The following TMF1 variants were observed in gnomAD, a reference collection of about 807,000 sequenced individuals.
The protein encoded by TMF1 is TATA element modulatory factor.
In TMF1, 71 loss-of-function variants were observed where a neutral mutation model predicts 126.5. The ratio of observed to expected loss-of-function variants is 0.56; its 90% CI spans 0.46 to 0.68. The LOEUF is 0.68. Among genes scored for constraint, TMF1 ranks in the 30% least tolerant of loss-of-function variants. TMF1 has a pLI of 0.00. For missense variants in TMF1, 1,259 were observed against 1,253.2 expected, an observed-to-expected ratio of 1.00 and a Z score of -0.07; for synonymous variants, 461 against 430.5, an observed-to-expected ratio of 1.07 and a Z score of -0.88.
In TMF1 at chr3:69,047,739, A is replaced by G; in HGVS notation, c.966T>C (p.Ala322=). The change falls in exon 2 of 17, where the codon GCT becomes GCC. Residue 322 remains alanine, a synonymous_variant. Transcript: ENST00000398559. ...KLTESCCSSD[A]FERIDSFSVQ... is the part of the protein sequence containing the mutation. ...CACTAAATGAGTCTATTCTTTCAAA[A>G]GCATCAGATGAACAGCAACTCTCAG... 1 of 1,614,088 alleles carries G rather than the reference A, an allele frequency of 6.2e-7. No individual in the cohort carries two copies. The highest frequency in any genetic ancestry group is 8.5e-7 in the Non-Finnish European group (1 of 1,179,990).
At chr3:69,033,791 G>A in intron 9 of TMF1, 87 bp from the exon 10 acceptor site, 1 of 1,194,074 alleles carries the variant, frequency 8.4e-7, no homozygotes, top group Non-Finnish European at 1.2e-6. Context: ...AGAGGTTCCT[G>A]GAAAATTATT....
Position 69,035,048 on chromosome 3 carries a change from C to T in TMF1, c.2219G>A (p.Arg740His), listed in dbSNP as rs375591364. ...CTGCTGAAGTTCACCGATCTCATGG[C>T]GTAAATAATCCTCCTTTCTGGCAGC... ...QAAARKEDYL[R>H]HEIGELQQRL... is the part of the protein sequence containing the mutation. Residue 740 changes from arginine to histidine, a missense_variant, in exon 9 of 17, where the codon CGC (arginine) becomes CAC (histidine). Arg to His is a conservative substitution (Grantham distance 29, BLOSUM62 0). Transcript: ENST00000398559. The T allele has an allele frequency of 3.3e-5, 53 of 1,613,948 alleles. No homozygotes were observed. The highest frequency in any genetic ancestry group is 4.4e-5 in the Non-Finnish European group (52 of 1,179,992).
Position 69,043,773 on chromosome 3 carries a change from T to C in TMF1, c.1555A>G (p.Lys519Glu), listed in dbSNP as rs1252304326. ...EAEKKVQLAC[K>E]ERDAAKKEIK... ...ACCTTTTTAGCAGCATCTCTCTCTT[T>C]GCAGGCTAGTTGAACTTTCTTTTCT... is the stretch of plus-strand genomic sequence containing the variant. The change falls in exon 4 of 17, where the codon AAA (lysine) becomes GAA (glutamate). Residue 519 changes from lysine to glutamate, a missense_variant. Lys to Glu is a moderately conservative substitution (Grantham distance 56). Coordinates refer to ENST00000398559, the MANE Select transcript of TMF1 (RefSeq NM_007114.3). The C allele has an allele frequency of 1.9e-6, 3 of 1,610,856 alleles. No homozygotes were observed. Among genetic ancestry groups the C allele is most frequent in the Non-Finnish European group, 2.5e-6 (3 of 1,178,708 alleles).
In TMF1 at chr3:69,035,027, T is replaced by C; in HGVS notation, c.2240A>G (p.Gln747Arg). 1.2e-6 allele frequency: 2 copies of C among 1,613,864 alleles called. No individual in the cohort carries two copies. The highest frequency in any genetic ancestry group is 3.3e-5 in the Admixed American group (2 of 60,010). The change falls in exon 9 of 17, where the codon CAG becomes CGG. Residue 747 changes from glutamine (Q) to arginine (R), a missense_variant. Gln to Arg is a conservative substitution (Grantham distance 43, BLOSUM62 1). Transcript: ENST00000398559. Reference protein sequence around the residue: ...DYLRHEIGELQQRLQEAENRN... With the variant: ...DYLRHEIGELRQRLQEAENRN... ...TTTGGAAACCTGTGACAGTACCTGC[T>C]GAAGTTCACCGATCTCATGGCGTAA...
chr3:69,044,876 T>C (rs1019910588), intron 2 of TMF1, among the ~76,000 whole-genome samples: 5 of 152,210 alleles, frequency 3.3e-5, no homozygotes, highest in East Asian at 1.9e-4. Context: ...CTCTTTGATA[T>C]AGAAAATTTC....
Position 69,024,331 on chromosome 3 carries a change from TAAAGG to T in TMF1, c.3013-156_3013-152del, listed in dbSNP as rs990772882. On this transcript the variant is annotated intron_variant, in intron 15 of 16. Coordinates refer to ENST00000398559, the MANE Select transcript of TMF1 (RefSeq NM_007114.3). ...AACCTTGAGCTAGCTCTTTCTTAAG[TAAAGG>T]AAACAGTGGCAGAAAAACGGTCCCA... The T allele has an allele frequency of 3.5e-5, 22 of 633,412 alleles. No individual in the cohort carries two copies. In the African/African-American group the frequency reaches 3.7e-4, roughly 11 times the overall value. 39.2% of individuals were successfully genotyped at this position (633,412 alleles called of 1,614,324 possible). A position where few individuals can be genotyped will look rare whatever the true frequency, so the allele number is the denominator to read the frequency against.
At chr3:69,039,898 C>T (rs538068240) in intron 5 of TMF1, among the ~76,000 whole-genome samples, 1 of 152,258 alleles carries the variant, frequency 6.6e-6, no homozygotes, top group South Asian at 2.1e-4. Flanking sequence ...TGGATATTGA[C>T]ACGGTCTTAA....
chr3:69,048,494 G>T lies in TMF1; in HGVS notation c.211C>A (p.Gln71Lys), dbSNP rs373845110. The T allele has an allele frequency of 6.2e-6, 10 of 1,613,948 alleles. No individual in the cohort carries two copies. The African/African-American group carries it at 1.2e-4, about 19-fold the overall frequency. The change falls in exon 2 of 17, where the codon CAG (glutamine) becomes AAG (lysine). Residue 71 changes from glutamine to lysine, a missense_variant. Coordinates refer to ENST00000398559, the MANE Select transcript of TMF1 (RefSeq NM_007114.3). ...TWGLKSNTEPQSPPIASPKAI... is the reference protein window; with the variant it reads ...TWGLKSNTEPKSPPIASPKAI... ...TTAGGAGAGGCTATTGGTGGACTCT[G>T]AGGTTCAGTGTTTGATTTCAACCCC...
At chr3:69,023,342 A>C (rs781430005) in intron 16 of TMF1, 22 bp from the exon 17 acceptor site, 1 of 1,581,238 alleles carries the variant, frequency 6.3e-7, no homozygotes, top group East Asian at 2.3e-5. Flanking sequence ...ATTTGTTTAC[A>C]ATTTTTAAAA....
rs771549396 is a variant in TMF1, at chr3:69,047,646, A to G, written c.1059T>C (p.Tyr353=). The G allele has an allele frequency of 6.8e-6, 11 of 1,614,004 alleles. No individual in the cohort carries two copies. The highest frequency in any genetic ancestry group is 5.0e-5 in the Admixed American group (3 of 60,008). Residue 353 remains tyrosine (Y), a synonymous_variant, in exon 2 of 17, where the codon TAT becomes TAC. Transcript: ENST00000398559. ...AATTAACTATAATAGGCACTAAAGC[A>G]TATCCCTTGCCTGACAATTCATCAT... ...NSDDELSGKG[Y]ALVPIIVNSS...
chr3:69,033,588 CGAT>C lies in TMF1; in HGVS notation c.2358_2360del (p.Ser788del). The C allele has an allele frequency of 6.2e-7, 1 of 1,613,836 alleles. No individual in the cohort carries two copies. ...GATTCTTCTCTAATTTCTCCCACGA[CGAT>C]GTCTGGGATCCCAGGGTTGCTTGCA... On this transcript the variant is annotated inframe_deletion, in exon 10 of 17. Transcript: ENST00000398559.
At chr3:69,039,446 A>G (rs1270783178) in intron 6 of TMF1, 105 bp downstream of exon 6, 10 of 1,253,518 alleles carry the variant, frequency 8.0e-6, no homozygotes, top group African/African-American at 1.5e-5. Flanking sequence ...TCCTTCTTAC[A>G]TGATATACCC....
At position 69,029,807 on chromosome 3, in the gene TMF1, A is replaced by C; in HGVS notation, c.2594+8T>G. The C allele has an allele frequency of 6.3e-7, 1 of 1,597,168 alleles. No homozygotes were observed. Among genetic ancestry groups the C allele is most frequent in the South Asian group, 1.1e-5 (1 of 88,704 alleles). ...CTACCAAAAATATCACTCAGAAACC[A>C]TGCTCACCTATTGTTCTCATCCTCC... is the stretch of plus-strand genomic sequence containing the variant. On this transcript the variant is annotated splice_region_variant and intron_variant, in intron 11 of 16. Transcript: ENST00000398559.
In TMF1 at chr3:69,025,615, A is replaced by T; in HGVS notation, c.2957T>A (p.Ile986Asn). The T allele has an allele frequency of 1.2e-6, 2 of 1,614,064 alleles. No homozygotes were observed. Among genetic ancestry groups the T allele is most frequent in the Non-Finnish European group, 8.5e-7 (1 of 1,179,982 alleles). ...CTTTAGCTGAGACTGTAGGTTTTCA[A>T]TTATGCTTGATCCTGCTCCCATCCT... Reference protein sequence around the residue: ...AVRMGAGSSIIENLQSQLKLR... With the variant: ...AVRMGAGSSINENLQSQLKLR... Residue 986 changes from isoleucine (I) to asparagine (N), a missense_variant, in exon 15 of 17, where the codon ATT becomes AAT. Coordinates refer to ENST00000398559, the MANE Select transcript of TMF1 (RefSeq NM_007114.3).
At chr3:69,029,076 C>T (rs1182623402) in intron 11 of TMF1, among the ~76,000 whole-genome samples, 2 of 150,758 alleles carry the variant, frequency 1.3e-5, no homozygotes, top group African/African-American at 4.9e-5. Flanking sequence ...TCTCGCTCTG[C>T]TGCCCGGGCT....
At chr3:69,032,607 T>C (rs2091808915) in intron 10 of TMF1, among the ~76,000 whole-genome samples, 1 of 124,384 alleles carries the variant, frequency 8.0e-6, no homozygotes, top group Admixed American at 1.1e-4. Flanking sequence ...AAGCAGAATA[T>C]GGAATCTTTT....
intron 14 of TMF1, 70 bp from the exon 15 acceptor site, chr3:69,025,782 C>A: frequency 1.3e-6 from 2 of 1,509,704 alleles, no homozygotes; most frequent in African/African-American, 1.4e-5. Context: ...CAGGTTCGAA[C>A]AAAAATGGTT....
At chr3:69,030,080 T>C in intron 10 of TMF1, 73 bp from the exon 11 acceptor site, 1 of 1,340,554 alleles carries the variant, frequency 7.5e-7, no homozygotes, top group South Asian at 1.4e-5. Context: ...CAATTCTGAT[T>C]TCAAACATTT....
chr3:69,045,158 A>T (rs1412555388), intron 2 of TMF1, among the ~76,000 whole-genome samples: 2 of 152,226 alleles, frequency 1.3e-5, no homozygotes, highest in Admixed American at 1.3e-4. Context: ...GACATATTGC[A>T]TTTAAAAAAT....
Sources: gnomAD v4.1 joint callset for allele counts (sites outside exome capture counted in the v4.1 genomes callset) on GRCh38, gnomAD v4.1.1 for gene constraint, MANE v1.5 for transcripts, NCBI Gene and HGNC (gene_info 2026-07-23, HGNC 2026-07-21) for gene names.